Variants in MACF1 observed in about 807,000 individuals in gnomAD.
The protein encoded by MACF1 is microtubule actin crosslinking factor 1.
MACF1 carries 193 observed loss-of-function variants against 854.8 expected under a neutral mutation model. That is an observed-to-expected ratio of 0.23 (90% confidence interval 0.20 to 0.25). MACF1 has a LOEUF of 0.25. Ranked by LOEUF, MACF1 falls within the 10% of genes least tolerant of loss-of-function variation. MACF1 has a pLI of 1.00. For missense variants in MACF1, 7,722 were observed against 8,929.1 expected (o/e 0.86, Z 5.45); for synonymous variants, 3,185 against 3,226.7 (o/e 0.99, Z 0.44).
At chr1:39,230,982 T>C (rs1181164348) in intron 1 of MACF1, among the ~76,000 whole-genome samples, 200 bp from the exon 2 acceptor site, 1 of 152,216 alleles carries the variant, frequency 6.6e-6, no homozygotes, top group Non-Finnish European at 1.5e-5. Context: ...GTGGTGATTC[T>C]GTCTGATTTG....
chr1:39,181,414 A>G (rs1332803137), intron 2 of MACF1, among the ~76,000 whole-genome samples: 1 of 152,096 alleles, frequency 6.6e-6, no homozygotes, highest in Non-Finnish European at 1.5e-5. Flanking sequence ...GCACTCCCCA[A>G]ACTGATCTAT....
At chr1:39,413,141 C>G in intron 58 of MACF1, 1 of 1,612,376 alleles carries the variant, frequency 6.2e-7, no homozygotes, top group East Asian at 2.2e-5. Flanking sequence ...GCTGCTTTAG[C>G]TATTACAGTA....
At chr1:39,291,467 G>A (rs564045676) in intron 15 of MACF1, among the ~76,000 whole-genome samples, 2 of 152,206 alleles carry the variant, frequency 1.3e-5, no homozygotes, top group Non-Finnish European at 2.9e-5. Flanking sequence ...ATATCCCAAA[G>A]TAACCTGTTT....
intron 80 of MACF1, 26 bp from the exon 81 acceptor site, chr1:39,447,402 CTGTG>C: frequency 6.3e-7 from 1 of 1,598,536 alleles, no homozygotes; most frequent in Non-Finnish European, 8.5e-7. Context: ...CTTTTTCTTT[CTGTG>C]TGTGTGTGTT....
intron 2 of MACF1, among the ~76,000 whole-genome samples, chr1:39,146,821 A>G (rs590214): frequency 0.29 from 44,506 of 152,016 alleles, 6,813 homozygotes; most frequent in Middle Eastern, 0.4. Context: ...TAATTTAATT[A>G]TTCATTTAAA....
Position 39,300,499 on chromosome 1 carries a change from C to T in MACF1, c.2634+137C>T, listed in dbSNP as rs542267271. On this transcript the variant is annotated intron_variant, in intron 22 of 100. Transcript: ENST00000564288. ...GAATTTAAACATGCTGAAGTCTCTCCTATCATTTAAAAAAAAAAACTAAAC... is the reference window on the plus strand; with the variant it reads ...GAATTTAAACATGCTGAAGTCTCTCTTATCATTTAAAAAAAAAAACTAAAC... 6.4e-5 allele frequency: 50 copies of T among 784,976 alleles called. No homozygotes were observed. The African/African-American group carries it at 1.4e-3, about 22-fold the overall frequency. The allele number at this position is 784,976 out of a possible 1,614,324, so 48.6% of individuals were successfully genotyped here. A position where few individuals can be genotyped will look rare whatever the true frequency, so the allele number is the denominator to read the frequency against.
In MACF1 at chr1:39,318,646, G is replaced by A. The variant is rs185988718; in HGVS notation, c.3945+31G>A. 3.5e-4 allele frequency: 529 copies of A among 1,532,964 alleles called. 1 individual carries two copies. The African/African-American group carries it at 6.5e-3, about 19-fold the overall frequency. 95.0% of individuals were successfully genotyped at this position (1,532,964 alleles called of 1,614,324 possible). ...TGTGGTAGTAGCTCTGGCGAGAAGA[G>A]TTAGAAATTTAAATTTTCTTTATCA... On this transcript the variant is annotated intron_variant, in intron 30 of 100. Transcript: ENST00000564288.
At position 39,318,581 on chromosome 1, in the gene MACF1, G is replaced by A; in HGVS notation, c.3911G>A (p.Ser1304Asn). The A allele has an allele frequency of 1.2e-6, 2 of 1,613,598 alleles. No individual in the cohort carries two copies. Among genetic ancestry groups the A allele is most frequent in the Non-Finnish European group, 1.7e-6 (2 of 1,179,782 alleles). Residue 1304 changes from serine to asparagine, a missense_variant, in exon 30 of 101, where the codon AGC (serine) becomes AAC (asparagine). Ser to Asn is a conservative substitution (Grantham distance 46). Transcript: ENST00000564288. The part of the protein sequence containing the change: ...EMMKPGQAED[S>N]RVLSEQLSQQ... ...ATGAAGCCAGGCCAGGCAGAGGATA[G>A]CAGAGTGCTTTCGGAGCAGCTCAGC...
At chr1:39,286,203 G>A (rs533850914) in intron 14 of MACF1, among the ~76,000 whole-genome samples, 3 of 152,028 alleles carry the variant, frequency 2.0e-5, no homozygotes, top group East Asian at 1.9e-4. Flanking sequence ...TAGTAGAGAC[G>A]GGGTTTTGCC....
intron 67 of MACF1, 100 bp downstream of exon 67, chr1:39,432,754 C>G (rs1208702827): frequency 8.1e-7 from 1 of 1,232,986 alleles, no homozygotes; most frequent in African/African-American, 1.6e-5. Context: ...AATTTAGTGG[C>G]ATGATGGTAA....
chr1:39,317,490 A>G, intron 29 of MACF1, 83 bp downstream of exon 29: 1 of 1,416,922 alleles, frequency 7.1e-7, no homozygotes, highest in Non-Finnish European at 9.5e-7. Context: ...CTGTACATTT[A>G]TATTTAAAGG....
chr1:39,369,208 C>G (rs1649014602), intron 50 of MACF1, among the ~76,000 whole-genome samples: 1 of 151,976 alleles, frequency 6.6e-6, no homozygotes, highest in African/African-American at 2.4e-5. Flanking sequence ...TCAAGGCAAA[C>G]AAGGGAATAT....
intron 2 of MACF1, among the ~76,000 whole-genome samples, chr1:39,113,911 C>G (rs1642477343): frequency 6.6e-6 from 1 of 152,100 alleles, no homozygotes; most frequent in Non-Finnish European, 1.5e-5. Context: ...TGGTACATGC[C>G]TGTAGTCCCA....
At chr1:39,345,568 A>G (rs1303812335) in intron 40 of MACF1, among the ~76,000 whole-genome samples, 4 of 152,178 alleles carry the variant, frequency 2.6e-5, no homozygotes. Flanking sequence ...TTTTGTATGC[A>G]TCACTGCACT....
At chr1:39,316,126 G>A (rs1201361883) in intron 27 of MACF1, among the ~76,000 whole-genome samples, 2 of 152,160 alleles carry the variant, frequency 1.3e-5, no homozygotes, top group African/African-American at 4.8e-5. Context: ...AGTGTAAAAT[G>A]GGTTTCTGGC....
intron 6 of MACF1, among the ~76,000 whole-genome samples, chr1:39,258,431 TTC>T (rs1346642661): frequency 6.6e-6 from 1 of 152,222 alleles, no homozygotes; most frequent in East Asian, 1.9e-4. Flanking sequence ...TGTAGACTTT[TTC>T]TCATCTCTAA....
intron 49 of MACF1, among the ~76,000 whole-genome samples, chr1:39,362,907 C>A (rs1022308414): frequency 1.3e-5 from 2 of 152,216 alleles, no homozygotes; most frequent in African/African-American, 4.8e-5. Flanking sequence ...TTCCTCCTTT[C>A]CACATTTGTA....
In MACF1 at chr1:39,372,514, G is replaced by T; in HGVS notation, c.13131G>T (p.Leu4377=). Residue 4377 remains leucine, a synonymous_variant, in exon 52 of 101, where the codon CTG becomes CTT. Transcript: ENST00000564288. The part of the protein sequence containing the change: ...LLDDWASKGT[L]VEEINCKGTS... Reference sequence around the variant, plus strand: ...ATGACTGGGCAAGTAAGGGAACTCTGGTGGAAGAAATCAATTGCAAAGGTA... The same window carrying T: ...ATGACTGGGCAAGTAAGGGAACTCTTGTGGAAGAAATCAATTGCAAAGGTA... 1 of 1,613,594 alleles carries T rather than the reference G, an allele frequency of 6.2e-7. No individual in the cohort carries two copies.
At chr1:39,465,055 C>T (rs752835639) in intron 94 of MACF1, 40 bp from the exon 95 acceptor site, 74 of 1,560,686 alleles carry the variant, frequency 4.7e-5, no homozygotes, top group Non-Finnish European at 5.8e-5. Flanking sequence ...CTTTTTTTTT[C>T]CCCTCCTTTC....
Sources: allele counts gnomAD v4.1 joint callset (sites outside exome capture counted in the v4.1 genomes callset), GRCh38; gene constraint gnomAD v4.1.1; transcripts MANE v1.5; gene names NCBI Gene and HGNC (gene_info 2026-07-23, HGNC 2026-07-21).